The following ASGR1 variants were observed in gnomAD, a reference collection of about 807,000 sequenced individuals.
ASGR1 encodes the protein C-type lectin domain family 4 member H1.
Under a neutral mutation model 33.1 loss-of-function variants are expected in ASGR1, and 35 were observed. The observed-to-expected ratio is 1.06, with a 90% CI of 0.81 to 1.40. The LOEUF (loss-of-function observed/expected upper bound fraction) is 1.40, where lower values mean the gene tolerates loss of function less well. Among genes scored for constraint, ASGR1 ranks in the 40% most tolerant of loss-of-function variants. ASGR1 has a pLI of 0.00. For missense variants in ASGR1, 396 were observed against 373.7 expected (o/e 1.06, Z -0.49); for synonymous variants, 142 against 152.5 (o/e 0.93, Z 0.51).
intron 5 of ASGR1, among the ~76,000 whole-genome samples, chr17:7,174,764 AAC>A (rs755169823): frequency 7.3e-5 from 11 of 150,872 alleles, no homozygotes; most frequent in Non-Finnish European, 1.2e-4. Context: ...CAACACACAA[AAC>A]ACAACACATA....
rs150525835 is a variant in ASGR1, at chr17:7,174,212, C to G, written c.520G>C (p.Ala174Pro). 5.7e-4 allele frequency: 922 copies of G among 1,614,210 alleles called. 11 individuals carry two copies. The highest frequency in any genetic ancestry group is 8.2e-5 in the Non-Finnish European group (97 of 1,180,032). The part of the protein sequence containing the change: ...SCYWFSRSGK[A>P]WADADNYCRL... ...CAGTAGTTGTCGGCGTCAGCCCAGG[C>G]CTTCCCGGAGCGAGAGAACCAGTAG... Residue 174 changes from alanine (A) to proline (P), a missense_variant, in exon 7 of 9, where the codon GCC becomes CCC. Physicochemically the swap from Ala to Pro is conservative, Grantham distance 27 (BLOSUM62 -1). Coordinates refer to ENST00000269299, the MANE Select transcript of ASGR1 (RefSeq NM_001671.5).
intron 5 of ASGR1, among the ~76,000 whole-genome samples, chr17:7,175,165 A>G (rs560267615): frequency 6.9e-4 from 103 of 149,192 alleles, no homozygotes; most frequent in South Asian, 5.4e-3. Flanking sequence ...CACACACACA[A>G]TACACCCTCA....
rs1419270144 is a variant in ASGR1, at chr17:7,178,727, TTTTTTCTTTTC to T, written c.-25-150_-25-140del. The T allele has an allele frequency of 5.3e-3, 2,441 of 464,570 alleles. 12 individuals carry two copies. Among genetic ancestry groups the T allele is most frequent in the Non-Finnish European group, 6.4e-3 (1,764 of 276,016 alleles). The allele number at this position is 464,570 out of a possible 1,614,324, so 28.8% of individuals were successfully genotyped here. A position where few individuals can be genotyped will look rare whatever the true frequency, so the allele number is the denominator to read the frequency against. On this transcript the variant is annotated intron_variant, in intron 1 of 8. Transcript: ENST00000269299. The stretch of plus-strand genomic sequence containing the variant: ...CTTCTTTCTTTCTTTTCTTTTTCTT[TTTTTTCTTTTC>T]TTTTTTTTTTTTTTTTTGAGAGGGA...
intron 5 of ASGR1, 33 bp from the exon 6 acceptor site, chr17:7,174,493 G>C (rs1307837829): frequency 2.5e-6 from 4 of 1,599,460 alleles, no homozygotes; most frequent in Admixed American, 1.7e-5. Context: ...AGCGGGAGGA[G>C]ATGCGGAAAC....
chr17:7,178,242 A>C, intron 2 of ASGR1: 1 of 531,730 alleles, frequency 1.9e-6, no homozygotes, highest in Non-Finnish European at 3.4e-6. Context: ...AGCTGTTCCC[A>C]CACCCCCGGG....
intron 5 of ASGR1, 107 bp from the exon 6 acceptor site, chr17:7,174,567 T>C: frequency 8.7e-7 from 1 of 1,154,774 alleles, no homozygotes; most frequent in Non-Finnish European, 1.2e-6. Context: ...CGAACACCCG[T>C]CGCATTGCCA....
chr17:7,177,723 C>T, intron 2 of ASGR1: 1 of 198,314 alleles, frequency 5.0e-6, no homozygotes, highest in Non-Finnish European at 1.0e-5. Context: ...CTTTCTCTGT[C>T]CATGAATTCC....
At position 7,174,020 on chromosome 17, in the gene ASGR1, G is replaced by C. The variant is rs768648594; in HGVS notation, c.642C>G (p.Leu214=). The change falls in exon 8 of 9, where the codon CTC becomes CTG. Residue 214 remains leucine, a synonymous_variant. Coordinates refer to ENST00000269299, the MANE Select transcript of ASGR1 (RefSeq NM_001671.5). ...HIGPVNTWMG[L]HDQNGPWKWV... The stretch of plus-strand genomic sequence containing the variant: ...ACTTCCAGGGCCCGTTTTGGTCGTG[G>C]AGGCCCATCCAGGTGTTCACAGGGC... The C allele has an allele frequency of 8.1e-6, 13 of 1,614,222 alleles. No homozygotes were observed. Among genetic ancestry groups the C allele is most frequent in the Non-Finnish European group, 1.1e-5 (13 of 1,180,018 alleles).
At chr17:7,176,213 ACT>A (rs1239887863) in intron 5 of ASGR1, among the ~76,000 whole-genome samples, 2 of 133,146 alleles carry the variant, frequency 1.5e-5, no homozygotes, top group Admixed American at 7.3e-5. Flanking sequence ...TCATTCTCAC[ACT>A]CACAAACACA....
chr17:7,175,998 TCA>T (rs943877481), intron 5 of ASGR1, among the ~76,000 whole-genome samples: 20 of 136,436 alleles, frequency 1.5e-4, no homozygotes, highest in East Asian at 8.7e-4. Context: ...TGACACATTC[TCA>T]CACATAAACA....
Position 7,173,737 on chromosome 17 carries a change from GT to G in ASGR1, c.797del (p.Asp266AlafsTer67). On this transcript the variant is annotated frameshift_variant, in exon 9 of 9. Transcript: ENST00000269299. LOFTEE classifies it low-confidence loss of function (END_TRUNC). The surrounding 1 kb of genome is among the most constrained non-coding windows in gnomAD (Gnocchi z 4.7). The stretch of plus-strand genomic sequence containing the variant: ...AGCGGTAGGGCCTCTGGCAGACGTC[GT>G]CGTTCCAGCGGCCGTCGTCGGTGAA... ...AHFTDDGRWN[D>X]DVCQRPYRWV... is the part of the protein sequence containing the mutation. 6.2e-7 allele frequency: 1 copy of G among 1,613,828 alleles called. No homozygotes were observed. Among genetic ancestry groups the G allele is most frequent in the Non-Finnish European group, 8.5e-7 (1 of 1,180,026 alleles).
chr17:7,173,776 C>G lies in ASGR1; in HGVS notation c.759G>C (p.Glu253Asp). ...CGTCGTCGGTGAAGTGGGCACAGTC[C>G]TCGCCTCCTCCGAGCCCGTGGCCGT... is the stretch of plus-strand genomic sequence containing the variant. ...DWYGHGLGGG[E>D]DCAHFTDDGR... Residue 253 changes from glutamate (E) to aspartate (D), a missense_variant, in exon 9 of 9, where the codon GAG becomes GAC. Physicochemically the swap from Glu to Asp is conservative, Grantham distance 45. Transcript: ENST00000269299. The surrounding 1 kb of genome is among the most constrained non-coding windows in gnomAD (Gnocchi z 4.7). 6.2e-7 allele frequency: 1 copy of G among 1,613,214 alleles called. No individual in the cohort carries two copies. The highest frequency in any genetic ancestry group is 8.5e-7 in the Non-Finnish European group (1 of 1,179,988).
At chr17:7,178,378 G>A in intron 2 of ASGR1, 116 bp downstream of exon 2, 2 of 1,078,286 alleles carry the variant, frequency 1.9e-6, no homozygotes, top group Non-Finnish European at 2.8e-6. Context: ...AGTGTTGGGG[G>A]AGGGAGACAG....
Position 7,176,503 on chromosome 17 carries a change from TCAGA to T in ASGR1, c.355+323_355+326del, listed in dbSNP as rs368500281. The T allele has an allele frequency of 1.6e-3, 672 of 430,808 alleles. 6 individuals are homozygous for T. The highest frequency in any genetic ancestry group is 0.015 in the East Asian group (303 of 20,792). 26.7% of individuals were successfully genotyped at this position (430,808 alleles called of 1,614,324 possible). On this transcript the variant is annotated intron_variant, in intron 5 of 8. Transcript: ENST00000269299. ...CACACACTCTATCTCATTCTCACAC[TCAGA>T]CACACACCCCCTCTCATTCCCACAC...
intron 5 of ASGR1, among the ~76,000 whole-genome samples, chr17:7,175,801 C>T (rs915033472): frequency 6.9e-6 from 1 of 145,744 alleles, no homozygotes; most frequent in Non-Finnish European, 1.5e-5. Context: ...ACACACACTC[C>T]CTCTCATTCT....
At position 7,174,073 on chromosome 17, in the gene ASGR1, G is replaced by A. The variant is rs2069165308; in HGVS notation, c.595-6C>T. The A allele has an allele frequency of 2.5e-6, 4 of 1,614,068 alleles. No homozygotes were observed. The highest frequency in any genetic ancestry group is 3.3e-5 in the Admixed American group (2 of 60,006). On this transcript the variant is annotated splice_polypyrimidine_tract_variant and splice_region_variant and intron_variant, in intron 7 of 8. Transcript: ENST00000269299. ...ATGTGGTGCTGGACAAATTTCTGAG[G>A]AGAGAGAAGGCGGGTGGTGATCTCT...
In ASGR1 at chr17:7,177,241, C is replaced by T. The variant is rs1362022346; in HGVS notation, c.156G>A (p.Leu52=). ...LLLSLGLSLL[L]LVVVCVIGSQ... ...ATCCGATCACACAGACAACCACAAG[C>T]AGCAGGAGGCTGAGGCCCAGGGAGA... is the stretch of plus-strand genomic sequence containing the variant. The change falls in exon 3 of 9, where the codon CTG becomes CTA. Residue 52 remains leucine, a synonymous_variant. Transcript: ENST00000269299. 3 of 1,613,678 alleles carry T rather than the reference C, an allele frequency of 1.9e-6. No homozygotes were observed. The highest frequency in any genetic ancestry group is 2.5e-6 in the Non-Finnish European group (3 of 1,179,966).
Position 7,176,853 on chromosome 17 carries a change from T to A in ASGR1, c.332A>T (p.Lys111Ile). 2 of 1,612,960 alleles carry A rather than the reference T, an allele frequency of 1.2e-6. No homozygotes were observed. The change falls in exon 5 of 9, where the codon AAA becomes ATA. Residue 111 changes from lysine to isoleucine, a missense_variant. Coordinates refer to ENST00000269299, the MANE Select transcript of ASGR1 (RefSeq NM_001671.5). ...ACCTTCACTCAGGTCCTTCTGCTGTTTCTCCAGCTGGGACTCTAGCGACTT... is the reference window on the plus strand; with the variant it reads ...ACCTTCACTCAGGTCCTTCTGCTGTATCTCCAGCTGGGACTCTAGCGACTT... ...KMKSLESQLE[K>I]QQKDLSEDHS...
At chr17:7,176,407 ACACT>A (rs1350212558) in intron 5 of ASGR1, among the ~76,000 whole-genome samples, 14 of 144,942 alleles carry the variant, frequency 9.7e-5, no homozygotes, top group East Asian at 2.1e-4. Context: ...CCTCATTATC[ACACT>A]CACAGACACA....
Sources: gnomAD v4.1 joint callset for allele counts (sites outside exome capture counted in the v4.1 genomes callset) on GRCh38, gnomAD v4.1.1 for gene constraint, Gnocchi (gnomAD v3.1) non-coding constraint, MANE v1.5 for transcripts, NCBI Gene and HGNC (gene_info 2026-07-23, HGNC 2026-07-21) for gene names.